The following TBC1D32 variants were observed in gnomAD, a reference collection of about 807,000 sequenced individuals.
TBC1D32 encodes the protein protein broad-minded.
In TBC1D32, 151 loss-of-function variants were observed where a neutral mutation model predicts 170.3. The ratio of observed to expected loss-of-function variants is 0.89; its 90% confidence interval spans 0.78 to 1.01. The LOEUF (loss-of-function observed/expected upper bound fraction) is 1.01. Among genes scored for constraint, TBC1D32 ranks in the 50% least tolerant of loss-of-function variants. The pLI is 0.00. For missense variants in TBC1D32, 1,464 were observed against 1,457.1 expected (o/e 1.00, Z -0.08); for synonymous variants, 498 against 488.0 (o/e 1.02, Z -0.27).
chr6:121,095,172 G>T (rs1355303789), intron 30 of TBC1D32, among the ~76,000 whole-genome samples: 1 of 152,034 alleles, frequency 6.6e-6, no homozygotes, highest in African/African-American at 2.4e-5. Context: ...CATTTAAATA[G>T]CTTTTTAGGT....
At chr6:121,320,496 T>C (rs1435631418) in intron 2 of TBC1D32, among the ~76,000 whole-genome samples, 2 of 152,100 alleles carry the variant, frequency 1.3e-5, no homozygotes. Context: ...GTATTCCTTC[T>C]AGAATTAAGT....
chr6:121,204,138 A>C (rs1791933930), intron 22 of TBC1D32, among the ~76,000 whole-genome samples: 1 of 151,228 alleles, frequency 6.6e-6, no homozygotes, highest in Non-Finnish European at 1.5e-5. Flanking sequence ...AAAACTTGCT[A>C]TCTGATGTAT....
chr6:121,105,952 A>G lies in TBC1D32; in HGVS notation c.3465+71T>C, dbSNP rs7751622. On this transcript the variant is annotated intron_variant, in intron 30 of 31. Coordinates refer to ENST00000398212, the MANE Select transcript of TBC1D32 (RefSeq NM_152730.6). Reference sequence around the variant, plus strand: ...TAATTTAAAGGTATTTCCTTATTTGATGAGAACACAGTTTTATTTGAAGAC... The same window carrying G: ...TAATTTAAAGGTATTTCCTTATTTGGTGAGAACACAGTTTTATTTGAAGAC... 3.5e-3 allele frequency: 4,859 copies of G among 1,387,500 alleles called. 170 individuals carry two copies. In the African/African-American group the frequency reaches 0.063, roughly 18 times the overall value. The allele number at this position is 1,387,500 out of a possible 1,614,324, so 85.9% of individuals were successfully genotyped here. A position where few individuals can be genotyped will look rare whatever the true frequency, so the allele number is the denominator to read the frequency against.
intron 20 of TBC1D32, among the ~76,000 whole-genome samples, chr6:121,228,831 T>C (rs2128337748): frequency 6.6e-6 from 1 of 152,262 alleles, no homozygotes; most frequent in Non-Finnish European, 1.5e-5. Context: ...CTAACAGAAA[T>C]GTTAAAATCT....
At chr6:121,170,430 T>C in intron 22 of TBC1D32, 1 of 1,605,432 alleles carries the variant, frequency 6.2e-7, no homozygotes, top group Non-Finnish European at 8.5e-7. Flanking sequence ...ATCTCCAAGA[T>C]ATTTTCTTCT....
chr6:121,297,735 C>T (rs1472985208), intron 10 of TBC1D32, among the ~76,000 whole-genome samples: 1 of 151,970 alleles, frequency 6.6e-6, no homozygotes, highest in Non-Finnish European at 1.5e-5. Context: ...AGCCACCAAC[C>T]ACATGCCTAT....
At chr6:121,103,881 T>G (rs1778419595) in intron 30 of TBC1D32, among the ~76,000 whole-genome samples, 1 of 151,990 alleles carries the variant, frequency 6.6e-6, no homozygotes, top group East Asian at 1.9e-4. Context: ...AAAGAATTGA[T>G]TATTGAGCTT....
At chr6:121,303,014 A>G (rs1023647564) in intron 9 of TBC1D32, among the ~76,000 whole-genome samples, 9 of 152,220 alleles carry the variant, frequency 5.9e-5, no homozygotes, top group Admixed American at 2.0e-4. Flanking sequence ...AGACAATGTG[A>G]GCATAAAAGC....
intron 31 of TBC1D32, among the ~76,000 whole-genome samples, chr6:121,085,879 T>C (rs1389046539): frequency 1.3e-5 from 2 of 152,036 alleles, no homozygotes; most frequent in African/African-American, 2.4e-5. Flanking sequence ...GCTAGGTTAA[T>C]GAGGGAATAG....
At chr6:121,241,221 ATTGGT>A (rs1354788136) in intron 19 of TBC1D32, among the ~76,000 whole-genome samples, 2 of 152,156 alleles carry the variant, frequency 1.3e-5, no homozygotes, top group Non-Finnish European at 2.9e-5. Context: ...ATTATTTGCC[ATTGGT>A]CCGAGGCAAC....
At chr6:121,179,868 T>G (rs1788284080) in intron 22 of TBC1D32, among the ~76,000 whole-genome samples, 1 of 152,112 alleles carries the variant, frequency 6.6e-6, no homozygotes, top group South Asian at 2.1e-4. Context: ...AGCTTTTGTC[T>G]CCATATATAA....
At chr6:121,148,076 C>T (rs1783708588) in intron 24 of TBC1D32, among the ~76,000 whole-genome samples, 1 of 151,884 alleles carries the variant, frequency 6.6e-6, no homozygotes, top group Non-Finnish European at 1.5e-5. Context: ...ATGGTGGTTT[C>T]CTGTACCCAT....
chr6:121,271,376 C>T (rs1234974062), intron 15 of TBC1D32, among the ~76,000 whole-genome samples: 3 of 152,100 alleles, frequency 2.0e-5, no homozygotes, highest in Non-Finnish European at 4.4e-5. Flanking sequence ...ATCGTCTTGG[C>T]CCAAAATCTC....
At chr6:121,229,825 A>G (rs1225721310) in intron 20 of TBC1D32, among the ~76,000 whole-genome samples, 1 of 152,088 alleles carries the variant, frequency 6.6e-6, no homozygotes, top group African/African-American at 2.4e-5. Flanking sequence ...TAATCCCTAC[A>G]TGCCAAAGGA....
At chr6:121,092,641 G>T (rs1409587996) in intron 30 of TBC1D32, among the ~76,000 whole-genome samples, 3 of 151,960 alleles carry the variant, frequency 2.0e-5, no homozygotes, top group Non-Finnish European at 4.4e-5. Flanking sequence ...GGCAGGGCTG[G>T]TTTCTTCTGA....
At chr6:121,105,568 A>G (rs1778592870) in intron 30 of TBC1D32, among the ~76,000 whole-genome samples, 1 of 152,012 alleles carries the variant, frequency 6.6e-6, no homozygotes, top group South Asian at 2.1e-4. Context: ...AAGGTTGTGC[A>G]CTGTGTAACT....
intron 30 of TBC1D32, among the ~76,000 whole-genome samples, chr6:121,093,443 C>T (rs937478698): frequency 3.3e-5 from 5 of 152,100 alleles, no homozygotes; most frequent in African/African-American, 1.2e-4. Flanking sequence ...AACTTAAGGC[C>T]ATACTGTGTT....
chr6:121,268,958 C>G (rs528920149), intron 15 of TBC1D32, among the ~76,000 whole-genome samples: 1 of 152,290 alleles, frequency 6.6e-6, no homozygotes, highest in African/African-American at 2.4e-5. Context: ...AGCCAATATT[C>G]AACCTTCTTG....
At chr6:121,092,582 T>C (rs1267700157) in intron 30 of TBC1D32, among the ~76,000 whole-genome samples, 1 of 151,916 alleles carries the variant, frequency 6.6e-6, no homozygotes, top group Non-Finnish European at 1.5e-5. Context: ...GCTTAAACAA[T>C]AAAAAATTAT....
Sources: allele counts gnomAD v4.1 joint callset (sites outside exome capture counted in the v4.1 genomes callset), GRCh38; gene constraint gnomAD v4.1.1; transcripts MANE v1.5; gene names NCBI Gene and HGNC (gene_info 2026-07-23, HGNC 2026-07-21).